The following DHRS13 variants were observed in gnomAD, a reference collection of about 807,000 sequenced individuals.
DHRS13 encodes dehydrogenase/reductase 13.
A neutral mutation model predicts 17.9 loss-of-function variants in DHRS13; 22 were observed. The observed-to-expected ratio is 1.23, with a 90% CI of 0.88 to 1.75. DHRS13 has a LOEUF of 1.75. Ranked by LOEUF, DHRS13 falls within the 40% of genes most tolerant of loss-of-function variation. The pLI, the probability that DHRS13 is intolerant of heterozygous loss-of-function variation, is 0.00. For synonymous variants in DHRS13, 206 were observed against 220.4 expected, an observed-to-expected ratio of 0.93 and a Z score of 0.58; for missense variants, 483 against 519.9, an observed-to-expected ratio of 0.93 and a Z score of 0.69.
rs1376630125 is a variant in DHRS13 at position 28,902,396 on chromosome 17, TC to T, written c.246+186del. Among the ~76,000 whole-genome samples, 1 of 152,084 alleles carries T rather than the reference TC, an allele frequency of 6.6e-6. No individual in the cohort carries two copies. The highest frequency in any genetic ancestry group is 1.5e-5 in the Non-Finnish European group (1 of 68,018). On this transcript the variant is annotated intron_variant, in intron 2 of 4. Transcript: ENST00000378895. The surrounding 1 kb of genome is among the most constrained non-coding windows in gnomAD (Gnocchi z 4.0). ...GCAATTACGGCCTTCAGGAAGCCCC[TC>T]CCCCACTCGGCTCTGGTGCGCCTTC...
rs2039820777 is a variant in DHRS13, at chr17:28,903,055, C to T, written c.-111G>A. ...TGGAACGGCGCCCGGGCGCGTCAGC[C>T]TCCGAAGGCGGAGGCGGGCAGGAGG... On this transcript the variant is annotated 5_prime_UTR_variant, in exon 1 of 5. Coordinates refer to ENST00000378895, the MANE Select transcript of DHRS13 (RefSeq NM_144683.4). This position sits in a 1 kb window ranked among gnomAD's most constrained non-coding sequence, Gnocchi z 4.8. 7 of 1,018,006 alleles carry T rather than the reference C, an allele frequency of 6.9e-6. No homozygotes were observed. The highest frequency in any genetic ancestry group is 8.8e-6 in the Non-Finnish European group (7 of 798,408). The allele number at this position is 1,018,006 out of a possible 1,614,324, so 63.1% of individuals were successfully genotyped here.
Position 28,901,810 on chromosome 17 carries a change from T to G in DHRS13, c.247-194A>C. The G allele has an allele frequency of 1.2e-6, 1 of 820,068 alleles. No individual in the cohort carries two copies. Among genetic ancestry groups the G allele is most frequent in the Non-Finnish European group, 1.8e-6 (1 of 544,170 alleles). 50.8% of individuals were successfully genotyped at this position (820,068 alleles called of 1,614,324 possible). A position where few individuals can be genotyped will look rare whatever the true frequency, so the allele number is the denominator to read the frequency against. ...TAAAGTGTGACCTTGGGCAAGATAC[T>G]TAATCTCTCTGGGTCTCAGTTCTCT... On this transcript the variant is annotated intron_variant, in intron 2 of 4. Transcript: ENST00000378895. This position sits in a 1 kb window ranked among gnomAD's most constrained non-coding sequence, Gnocchi z 4.3.
In DHRS13 at chr17:28,902,589, G is replaced by A; in HGVS notation, c.240C>T (p.Leu80=). 1 of 1,480,362 alleles carries A rather than the reference G, an allele frequency of 6.8e-7. No individual in the cohort carries two copies. The highest frequency in any genetic ancestry group is 3.0e-5 in the East Asian group (1 of 33,628). 91.7% of individuals were successfully genotyped at this position (1,480,362 alleles called of 1,614,324 possible). A position where few individuals can be genotyped will look rare whatever the true frequency, so the allele number is the denominator to read the frequency against. Residue 80 remains leucine (L), a synonymous_variant, in exon 2 of 5, where the codon CTC becomes CTT. Transcript: ENST00000378895. The surrounding 1 kb of genome is among the most constrained non-coding windows in gnomAD (Gnocchi z 4.0). ...CGCCCCCGCTGCCTCTCACCTGGCG[G>A]AGGTCGAAGGCAGCCGCCTCCCCGC... ...QERGEAAAFD[L]RQESGNNEVI...
At position 28,902,564 on chromosome 17, in the gene DHRS13, C is replaced by A; in HGVS notation, c.246+19G>T. Reference sequence around the variant, plus strand: ...CGGGTTCTCGGCTCACCGTCCCACGCGCCCCCGCTGCCTCTCACCTGGCGG... The same window carrying A: ...CGGGTTCTCGGCTCACCGTCCCACGAGCCCCCGCTGCCTCTCACCTGGCGG... On this transcript the variant is annotated intron_variant, in intron 2 of 4. Coordinates refer to ENST00000378895, the MANE Select transcript of DHRS13 (RefSeq NM_144683.4). The surrounding 1 kb of genome is among the most constrained non-coding windows in gnomAD (Gnocchi z 4.0). The A allele has an allele frequency of 6.8e-7, 1 of 1,473,392 alleles. No individual in the cohort carries two copies. The highest frequency in any genetic ancestry group is 8.9e-7 in the Non-Finnish European group (1 of 1,120,392). 91.3% of individuals were successfully genotyped at this position (1,473,392 alleles called of 1,614,324 possible). A position where few individuals can be genotyped will look rare whatever the true frequency, so the allele number is the denominator to read the frequency against.
Position 28,901,579 on chromosome 17 carries a change from T to C in DHRS13, c.284A>G (p.Asp95Gly). 6.2e-7 allele frequency: 1 copy of C among 1,614,164 alleles called. No individual in the cohort carries two copies. The change falls in exon 3 of 5, where the codon GAC becomes GGC. Residue 95 changes from aspartate (D) to glycine (G), a missense_variant. Physicochemically the swap from Asp to Gly is moderately conservative, Grantham distance 94. Transcript: ENST00000378895. The surrounding 1 kb of genome is among the most constrained non-coding windows in gnomAD (Gnocchi z 4.3). ...GNNEVIFMAL[D>G]LASLASVRAF... ...CCGCACCGAGGCCAGACTGGCCAAG[T>C]CCAAGGCCATGAAGATGACCTCATT... is the stretch of plus-strand genomic sequence containing the variant.
At position 28,902,972 on chromosome 17, in the gene DHRS13, A is replaced by C. The variant is rs939399171; in HGVS notation, c.-28T>G. 6.8e-7 allele frequency: 1 copy of C among 1,467,950 alleles called. No individual in the cohort carries two copies. The highest frequency in any genetic ancestry group is 1.3e-5 in the South Asian group (1 of 76,886). 90.9% of individuals were successfully genotyped at this position (1,467,950 alleles called of 1,614,324 possible). On this transcript the variant is annotated 5_prime_UTR_variant, in exon 1 of 5. Transcript: ENST00000378895. This position sits in a 1 kb window ranked among gnomAD's most constrained non-coding sequence, Gnocchi z 4.0. ...CGGCCGCGCCTCCCGGCTCCCGCCC[A>C]GGCCCCGCACCGCCCTGGATCGCCG...
chr17:28,899,800 T>C lies in DHRS13; in HGVS notation c.683-908A>G, dbSNP rs67465968. Among the ~76,000 whole-genome samples the C allele has an allele frequency of 0.14, 21,728 of 152,084 alleles. 1,680 individuals are homozygous for C. Among genetic ancestry groups the C allele is most frequent in the South Asian group, 0.26 (1,273 of 4,828 alleles). On this transcript the variant is annotated intron_variant, in intron 4 of 4. Coordinates refer to ENST00000378895, the MANE Select transcript of DHRS13 (RefSeq NM_144683.4). The surrounding 1 kb of genome is among the most constrained non-coding windows in gnomAD (Gnocchi z 4.7). ...TCAGCTTACTGGCAACGTCCACCTC[T>C]AGGTTCAGGCGATTCTCCTGCCTCA...
Position 28,898,624 on chromosome 17 carries a change from C to A in DHRS13, c.951G>T (p.Glu317Asp). The change falls in exon 5 of 5, where the codon GAG (glutamate) becomes GAT (aspartate). Residue 317 changes from glutamate to aspartate, a missense_variant. Physicochemically the swap from Glu to Asp is conservative, Grantham distance 45. Coordinates refer to ENST00000378895, the MANE Select transcript of DHRS13 (RefSeq NM_144683.4). ...SKRLAGLGPGEDAEPDEDPQS... is the reference protein window; with the variant it reads ...SKRLAGLGPGDDAEPDEDPQS... ...GGGGGTCTTCATCGGGTTCAGCATC[C>A]TCCCCAGGCCCAAGCCCTGCCAGCC... The A allele has an allele frequency of 6.2e-7, 1 of 1,613,674 alleles. No homozygotes were observed. Among genetic ancestry groups the A allele is most frequent in the South Asian group, 1.1e-5 (1 of 90,988 alleles).
rs1258239359 is a variant in DHRS13, at chr17:28,902,371, G to C, written c.246+212C>G. Among the ~76,000 whole-genome samples, 1 of 152,170 alleles carries C rather than the reference G, an allele frequency of 6.6e-6. No individual in the cohort carries two copies. Among genetic ancestry groups the C allele is most frequent in the East Asian group, 1.9e-4 (1 of 5,190 alleles). ...ACTGATGCTTAAACGTCTCAGAACT[G>C]CAATTACGGCCTTCAGGAAGCCCCT... is the stretch of plus-strand genomic sequence containing the variant. On this transcript the variant is annotated intron_variant, in intron 2 of 4. Coordinates refer to ENST00000378895, the MANE Select transcript of DHRS13 (RefSeq NM_144683.4). This position sits in a 1 kb window ranked among gnomAD's most constrained non-coding sequence, Gnocchi z 4.0.
Position 28,901,642 on chromosome 17 carries a change from G to A in DHRS13, c.247-26C>T, listed in dbSNP as rs777603262. 5.6e-6 allele frequency: 9 copies of A among 1,611,768 alleles called. No homozygotes were observed. In the African/African-American group the frequency reaches 1.1e-4, roughly 19 times the overall value. ...CTGTGGAGAGGCAAGGGCTGGGCTT[G>A]TCACCAGGCATCTCTCTCCTCTTCC... On this transcript the variant is annotated intron_variant, in intron 2 of 4. Coordinates refer to ENST00000378895, the MANE Select transcript of DHRS13 (RefSeq NM_144683.4). This position sits in a 1 kb window ranked among gnomAD's most constrained non-coding sequence, Gnocchi z 4.3.
chr17:28,901,398 T>C lies in DHRS13; in HGVS notation c.370+95A>G, dbSNP rs1466997556. 1.7e-5 allele frequency: 27 copies of C among 1,596,632 alleles called. No individual in the cohort carries two copies. The Admixed American group carries it at 4.3e-4, about 25-fold the overall frequency. ...ATGGGAGAAGGGGGCATCCTTCCCA[T>C]GTGTCCACTGGCCCCAGCAGGGCCC... On this transcript the variant is annotated intron_variant, in intron 3 of 4. Coordinates refer to ENST00000378895, the MANE Select transcript of DHRS13 (RefSeq NM_144683.4). The surrounding 1 kb of genome is among the most constrained non-coding windows in gnomAD (Gnocchi z 4.3).
In DHRS13 at chr17:28,901,331, C is replaced by T. The variant is rs1410526812; in HGVS notation, c.371-30G>A. 3.8e-6 allele frequency: 6 copies of T among 1,585,934 alleles called. No homozygotes were observed. Among genetic ancestry groups the T allele is most frequent in the Non-Finnish European group, 4.3e-6 (5 of 1,164,392 alleles). ...GGCAGAGGCTAAATGTGAGCGGCTG[C>T]TCCAGAAGGAGCTCTGCAGCCTTGG... On this transcript the variant is annotated intron_variant, in intron 3 of 4. Transcript: ENST00000378895. The surrounding 1 kb of genome is among the most constrained non-coding windows in gnomAD (Gnocchi z 4.3).
At position 28,901,518 on chromosome 17, in the gene DHRS13, C is replaced by T. The variant is rs146677795; in HGVS notation, c.345G>A (p.Arg115=). Residue 115 remains arginine, a synonymous_variant, in exon 3 of 5, where the codon CGG becomes CGA. Coordinates refer to ENST00000378895, the MANE Select transcript of DHRS13 (RefSeq NM_144683.4). This position sits in a 1 kb window ranked among gnomAD's most constrained non-coding sequence, Gnocchi z 4.3. ...CGGCATTGTGGATGAGGATGTCCAA[C>T]CGTGGCTCAGAGCTCAGAAAGGCAG... ...FATAFLSSEP[R]LDILIHNAGI... is the part of the protein sequence containing the mutation. 17 of 1,614,074 alleles carry T rather than the reference C, an allele frequency of 1.1e-5. No individual in the cohort carries two copies. Among genetic ancestry groups the T allele is most frequent in the Non-Finnish European group, 1.4e-5 (16 of 1,180,030 alleles).
Position 28,898,098 on chromosome 17 carries a change from C to T in DHRS13, c.*343G>A, listed in dbSNP as rs886868411. ...GCAAAGGGATCAGTTCACTAATTCT[C>T]AATGTTGGCAGTGCATCACATTGCA... On this transcript the variant is annotated 3_prime_UTR_variant, in exon 5 of 5. Transcript: ENST00000378895. 18 of 310,664 alleles carry T rather than the reference C, an allele frequency of 5.8e-5. No homozygotes were observed. Among genetic ancestry groups the T allele is most frequent in the Admixed American group, 1.0e-4 (2 of 19,184 alleles). 19.2% of individuals were successfully genotyped at this position (310,664 alleles called of 1,614,324 possible).
At position 28,898,520 on chromosome 17, in the gene DHRS13, C is replaced by A. The variant is rs753579942; in HGVS notation, c.1055G>T (p.Ser352Ile). The A allele has an allele frequency of 1.9e-6, 3 of 1,609,322 alleles. No individual in the cohort carries two copies. The highest frequency in any genetic ancestry group is 2.2e-5 in the South Asian group (2 of 90,276). ...AGACAAATCTGGTGAGCTCTGAGGGCTGGGGTAAGGTTGAGAAACTGTGGG... is the reference window on the plus strand; with the variant it reads ...AGACAAATCTGGTGAGCTCTGAGGGATGGGGTAAGGTTGAGAAACTGTGGG... ...EEPTVSQPYP[S>I]PQSSPDLSKM... The change falls in exon 5 of 5, where the codon AGC becomes ATC. Residue 352 changes from serine (S) to isoleucine (I), a missense_variant. By Grantham distance (142) the Ser-to-Ile change is moderately radical. Coordinates refer to ENST00000378895, the MANE Select transcript of DHRS13 (RefSeq NM_144683.4).
rs528966388 is a variant in DHRS13 at position 28,899,908 on chromosome 17, T to C, written c.683-1016A>G. Among the ~76,000 whole-genome samples, 12 of 151,382 alleles carry C rather than the reference T, an allele frequency of 7.9e-5. No homozygotes were observed. In the South Asian group the frequency reaches 2.5e-3, roughly 32 times the overall value. ...TTTGTAGTAGAGACAGGTTTTCTTT[T>C]TTTTTTCTTTTTTCTTTTTTTTTGA... On this transcript the variant is annotated intron_variant, in intron 4 of 4. Transcript: ENST00000378895. The surrounding 1 kb of genome is among the most constrained non-coding windows in gnomAD (Gnocchi z 4.7).
Position 28,898,238 on chromosome 17 carries a change from G to A in DHRS13, c.*203C>T. ...TAGCATACCCCTATCTCTCCATCTG[G>A]GGTTACTGTCACTCTCAGGAAGAAA... On this transcript the variant is annotated 3_prime_UTR_variant, in exon 5 of 5. Transcript: ENST00000378895. 5.0e-6 allele frequency: 3 copies of A among 596,724 alleles called. No homozygotes were observed. The highest frequency in any genetic ancestry group is 8.6e-6 in the Non-Finnish European group (3 of 348,008). The allele number at this position is 596,724 out of a possible 1,614,324, so 37.0% of individuals were successfully genotyped here.
At chr17:28,898,939 G>A (rs572674425) in intron 4 of DHRS13, 47 bp from the exon 5 acceptor site, 2 of 1,504,118 alleles carry the variant, frequency 1.3e-6, no homozygotes, top group African/African-American at 1.4e-5. Context: ...ACAGTGGTGT[G>A]TATTTACAGT....
chr17:28,899,672 A>G lies in DHRS13; in HGVS notation c.683-780T>C, dbSNP rs1201223913. Reference sequence around the variant, plus strand: ...GTTCCAGCCACATTAGCCTTTCTCAAGCACACCAGGAACTTCTGCCTTAGG... The same window carrying G: ...GTTCCAGCCACATTAGCCTTTCTCAGGCACACCAGGAACTTCTGCCTTAGG... On this transcript the variant is annotated intron_variant, in intron 4 of 4. Transcript: ENST00000378895. This position sits in a 1 kb window ranked among gnomAD's most constrained non-coding sequence, Gnocchi z 4.7. 2.6e-5 allele frequency: 4 copies of G among 152,358 alleles called. No individual in the cohort carries two copies. Among genetic ancestry groups the G allele is most frequent in the Non-Finnish European group, 5.9e-5 (4 of 68,222 alleles). The allele number at this position is 152,358 out of a possible 1,614,324, so 9.4% of individuals were successfully genotyped here. A position where few individuals can be genotyped will look rare whatever the true frequency, so the allele number is the denominator to read the frequency against.
Sources: gnomAD v4.1 joint callset for allele counts (sites outside exome capture counted in the v4.1 genomes callset) on GRCh38, gnomAD v4.1.1 for gene constraint, Gnocchi (gnomAD v3.1) non-coding constraint, MANE v1.5 for transcripts, NCBI Gene and HGNC (gene_info 2026-07-23, HGNC 2026-07-21) for gene names.